The following SEPTIN7 variants were observed in gnomAD, a reference collection of about 807,000 sequenced individuals.
SEPTIN7 encodes septin 7, also known as septin-7.
Under a neutral mutation model 63.3 loss-of-function variants are expected in SEPTIN7, and 10 were observed. The observed-to-expected ratio is 0.16, with a 90% confidence interval of 0.10 to 0.27. The LOEUF is 0.27. Ranked by LOEUF, SEPTIN7 falls within the 10% of genes least tolerant of loss-of-function variation. SEPTIN7 has a pLI of 1.00. For synonymous variants in SEPTIN7, 131 were observed against 165.3 expected, an observed-to-expected ratio of 0.79 and a Z score of 1.59; for missense variants, 310 against 521.0, an observed-to-expected ratio of 0.59 and a Z score of 3.94.
At chr7:35,859,235 T>C (rs931814827) in intron 3 of SEPTIN7, among the ~76,000 whole-genome samples, 4 of 152,188 alleles carry the variant, frequency 2.6e-5, no homozygotes, top group Non-Finnish European at 5.9e-5. Context: ...TGTATTCTAA[T>C]TTCCCTTGTG....
At chr7:35,882,165 C>T (rs1162402149) in intron 7 of SEPTIN7, among the ~76,000 whole-genome samples, 1 of 151,872 alleles carries the variant, frequency 6.6e-6, no homozygotes, top group East Asian at 1.9e-4. Flanking sequence ...GACCTAAAGT[C>T]ATTATTGTGG....
At chr7:35,835,730 G>A (rs1035434716) in intron 3 of SEPTIN7, among the ~76,000 whole-genome samples, 1 of 152,188 alleles carries the variant, frequency 6.6e-6, no homozygotes, top group Middle Eastern at 3.2e-3. Context: ...CCACTGGAAT[G>A]AGCATCTGGC....
intron 1 of SEPTIN7, among the ~76,000 whole-genome samples, chr7:35,828,764 TCAG>T (rs1383225780): frequency 6.6e-6 from 1 of 152,092 alleles, no homozygotes; most frequent in Admixed American, 6.5e-5. Context: ...ATCTATATTT[TCAG>T]CACCAACCAA....
chr7:35,869,933 T>C (rs977046663), intron 4 of SEPTIN7, among the ~76,000 whole-genome samples: 10 of 152,230 alleles, frequency 6.6e-5, no homozygotes, highest in African/African-American at 2.4e-4. Flanking sequence ...ATAAAGATGT[T>C]GATGTGACCT....
intron 1 of SEPTIN7, among the ~76,000 whole-genome samples, chr7:35,804,765 C>T (rs534315648): frequency 1.3e-5 from 2 of 150,932 alleles, no homozygotes; most frequent in Admixed American, 6.6e-5. Flanking sequence ...AGGCTATGAG[C>T]TTGTATAGCT....
rs199730988 is a variant in SEPTIN7, at chr7:35,807,186, C to CT, written c.61+5931dup. ...CATTTCTGAAATTGCTTTTTTAAAACTTTTTTTTTTTTTTTGAAACGGAGT... is the reference window on the plus strand; with the variant it reads ...CATTTCTGAAATTGCTTTTTTAAAACTTTTTTTTTTTTTTTTGAAACGGAGT... On this transcript the variant is annotated intron_variant, in intron 1 of 13. Transcript: ENST00000350320. Among the ~76,000 whole-genome samples, 1,568 of 142,106 alleles carry CT rather than the reference C, an allele frequency of 0.011. 109 individuals are homozygous for CT. The East Asian group carries it at 0.21, about 19-fold the overall frequency. 93.2% of individuals were successfully genotyped at this position (142,106 alleles called of 152,430 possible). A position where few individuals can be genotyped will look rare whatever the true frequency, so the allele number is the denominator to read the frequency against.
chr7:35,808,069 G>A (rs1315555564), intron 1 of SEPTIN7, among the ~76,000 whole-genome samples: 1 of 151,928 alleles, frequency 6.6e-6, no homozygotes, highest in Non-Finnish European at 1.5e-5. Flanking sequence ...TGCCTGCCTT[G>A]GCTTCCTAAA....
intron 1 of SEPTIN7, among the ~76,000 whole-genome samples, chr7:35,801,547 G>A (rs541665094): frequency 1.3e-5 from 2 of 151,488 alleles, no homozygotes; most frequent in Non-Finnish European, 3.0e-5. Flanking sequence ...CAGAGCCGCG[G>A]CCTCCGCGGC....
chr7:35,874,311 T>C (rs546430160), intron 6 of SEPTIN7, among the ~76,000 whole-genome samples: 10 of 152,272 alleles, frequency 6.6e-5, no homozygotes, highest in African/African-American at 2.2e-4. Flanking sequence ...AATCTTTTGT[T>C]TATTAGGACT....
chr7:35,883,850 A>G (rs111326190), intron 8 of SEPTIN7, 41 bp from the exon 9 acceptor site: 1 of 1,159,184 alleles, frequency 8.6e-7, no homozygotes. Context: ...ATTTGTGAGG[A>G]CTACAGAGAT....
chr7:35,890,800 A>G lies in SEPTIN7; in HGVS notation c.998+7A>G. 1 of 1,531,448 alleles carries G rather than the reference A, an allele frequency of 6.5e-7. No homozygotes were observed. The highest frequency in any genetic ancestry group is 8.7e-7 in the Non-Finnish European group (1 of 1,147,922). The allele number at this position is 1,531,448 out of a possible 1,614,324, so 94.9% of individuals were successfully genotyped here. A position where few individuals can be genotyped will look rare whatever the true frequency, so the allele number is the denominator to read the frequency against. On this transcript the variant is annotated splice_region_variant and intron_variant, in intron 11 of 13. Coordinates refer to ENST00000350320, the MANE Select transcript of SEPTIN7 (RefSeq NM_001788.6). Reference sequence around the variant, plus strand: ...ATAAAGGGCAGCTGACTAAGTAAGTATATATTTTTTTCTCCAAAAAGGTAT... The same window carrying G: ...ATAAAGGGCAGCTGACTAAGTAAGTGTATATTTTTTTCTCCAAAAAGGTAT...
At chr7:35,907,148 C>T (rs1191914413), downstream of SEPTIN7, 2 of 152,190 alleles carry the variant, frequency 1.3e-5, no homozygotes, top group South Asian at 2.1e-4. Context: ...TGGAGGCCAT[C>T]GATCTAGGCA....
chr7:35,817,243 T>C (rs1249127928), intron 1 of SEPTIN7, among the ~76,000 whole-genome samples: 2 of 152,044 alleles, frequency 1.3e-5, no homozygotes, highest in African/African-American at 4.8e-5. Flanking sequence ...TGGCGTGAGA[T>C]AGGAGTCATT....
chr7:35,831,998 A>G, intron 2 of SEPTIN7: 1 of 391,806 alleles, frequency 2.6e-6, no homozygotes, highest in South Asian at 1.8e-5. Flanking sequence ...TGCTTATTCA[A>G]ATAGTCTTAA....
chr7:35,832,448 A>AT (rs1180293520), intron 2 of SEPTIN7, among the ~76,000 whole-genome samples: 2 of 151,970 alleles, frequency 1.3e-5, no homozygotes, highest in African/African-American at 4.8e-5. Context: ...GGGGATTTGA[A>AT]TTTTTTTATT....
intron 10 of SEPTIN7, among the ~76,000 whole-genome samples, chr7:35,889,809 G>A (rs1787525324): frequency 6.6e-6 from 1 of 152,166 alleles, no homozygotes; most frequent in Admixed American, 6.5e-5. Context: ...CTCTCAAAGT[G>A]TTGGGATTAC....
chr7:35,880,582 A>T (rs1201244465), intron 7 of SEPTIN7, among the ~76,000 whole-genome samples: 1 of 151,954 alleles, frequency 6.6e-6, no homozygotes, highest in East Asian at 1.9e-4. Context: ...TATTACCCGT[A>T]TTTATTGATA....
chr7:35,847,092 C>T, intron 3 of SEPTIN7: 1 of 188,622 alleles, frequency 5.3e-6, no homozygotes, highest in South Asian at 1.2e-4. Flanking sequence ...TCTCTGCACA[C>T]TTACGGGAGT....
At chr7:35,801,405 C>A in intron 1 of SEPTIN7, 135 bp downstream of exon 1, 1 of 1,117,824 alleles carries the variant, frequency 8.9e-7, no homozygotes, top group Non-Finnish European at 1.2e-6. Flanking sequence ...GGGATGGGGG[C>A]CACTGCGGGC....
Sources: gnomAD v4.1 joint callset for allele counts (sites outside exome capture counted in the v4.1 genomes callset) on GRCh38, gnomAD v4.1.1 for gene constraint, MANE v1.5 for transcripts, NCBI Gene and HGNC (gene_info 2026-07-23, HGNC 2026-07-21) for gene names.